The following LINGO2 variants were observed in gnomAD, a reference collection of about 807,000 sequenced individuals.
The protein encoded by LINGO2 is leucine-rich repeat and immunoglobulin-like domain-containing nogo receptor-interacting protein 2.
In LINGO2, 14 loss-of-function variants were observed where a neutral mutation model predicts 30.6. That is an observed-to-expected ratio of 0.46 (90% CI 0.30 to 0.72). The LOEUF (loss-of-function observed/expected upper bound fraction) is 0.72, where lower values mean the gene tolerates loss of function less well. LINGO2 is among the 30% of genes least tolerant of loss of function. The probability of loss-of-function intolerance (pLI) is 0.07; values close to 1 mark genes in which losing one functional copy is unlikely to be tolerated. For missense variants in LINGO2, 729 were observed against 751.7 expected, an observed-to-expected ratio of 0.97 and a Z score of 0.35; for synonymous variants, 317 against 288.5, an observed-to-expected ratio of 1.10 and a Z score of -1.00.
At chr9:29,178,679 T>G in the LINGO2 span, among the ~76,000 whole-genome samples, 4 of 152,288 alleles carry the variant, frequency 2.6e-5, no homozygotes, top group Admixed American at 2.6e-4. Context: ...AAACCTCCTC[T>G]GATGACAAGT....
chr9:29,144,484 T>C, the LINGO2 span, among the ~76,000 whole-genome samples: 2 of 152,028 alleles, frequency 1.3e-5, no homozygotes, highest in African/African-American at 4.8e-5. Flanking sequence ...GGAAGTATAT[T>C]AGAGATGTGT....
intron 4 of LINGO2, among the ~76,000 whole-genome samples, chr9:28,047,455 ACT>A (rs746128347): frequency 1.4e-5 from 2 of 143,016 alleles, no homozygotes; most frequent in Non-Finnish European, 3.0e-5. Context: ...TAGCACAGTA[ACT>A]TTTTATTCAA....
chr9:28,190,079 A>C (rs1291808530), intron 4 of LINGO2, among the ~76,000 whole-genome samples: 1 of 152,164 alleles, frequency 6.6e-6, no homozygotes, highest in Non-Finnish European at 1.5e-5. Context: ...ACGTTTCACA[A>C]ACATGGATAT....
the LINGO2 span, among the ~76,000 whole-genome samples, chr9:28,695,277 A>T: frequency 6.6e-6 from 1 of 152,092 alleles, no homozygotes; most frequent in East Asian, 1.9e-4. Context: ...GTTTAACTTC[A>T]TTAAATGTCA....
At chr9:29,096,959 C>G in the LINGO2 span, among the ~76,000 whole-genome samples, 1 of 138,864 alleles carries the variant, frequency 7.2e-6, no homozygotes, top group Non-Finnish European at 1.6e-5. Flanking sequence ...AAAATGAATA[C>G]TACAGATAGG....
At chr9:28,665,770 C>A (rs1828776013) in intron 1 of LINGO2, among the ~76,000 whole-genome samples, 1 of 152,030 alleles carries the variant, frequency 6.6e-6, no homozygotes. Flanking sequence ...TGATTCATAT[C>A]ATTCAGGCAA....
the LINGO2 span, among the ~76,000 whole-genome samples, chr9:28,944,139 A>G: frequency 5.9e-5 from 9 of 152,160 alleles, no homozygotes; most frequent in African/African-American, 2.2e-4. Flanking sequence ...ACATCTAGAC[A>G]GTTATCTTTG....
intron 3 of LINGO2, among the ~76,000 whole-genome samples, chr9:28,365,239 A>T (rs1361682299): frequency 1.3e-5 from 2 of 152,114 alleles, no homozygotes; most frequent in African/African-American, 2.4e-5. Context: ...GGGAACGTGA[A>T]GAATTTAGTG....
intron 1 of LINGO2, among the ~76,000 whole-genome samples, chr9:28,476,387 T>C (rs1170759385): frequency 1.3e-5 from 2 of 152,298 alleles, no homozygotes; most frequent in African/African-American, 4.8e-5. Context: ...GCCATTCTCC[T>C]GCCTCAGCCT....
At chr9:28,054,521 TTA>T (rs1824827839) in intron 4 of LINGO2, among the ~76,000 whole-genome samples, 1 of 152,124 alleles carries the variant, frequency 6.6e-6, no homozygotes. Flanking sequence ...GAAATTAGTG[TTA>T]TGTTTACTGC....
chr9:29,109,051 T>C, the LINGO2 span, among the ~76,000 whole-genome samples: 2 of 152,228 alleles, frequency 1.3e-5, no homozygotes, highest in Non-Finnish European at 2.9e-5. Flanking sequence ...GATATAAAAT[T>C]GAATGCAAAT....
rs187924643 is a variant in LINGO2, at chr9:28,037,762, A to T, written c.-86-25357T>A. Among the ~76,000 whole-genome samples the T allele has an allele frequency of 4.6e-5, 7 of 152,376 alleles. No individual in the cohort carries two copies. In the East Asian group the frequency reaches 1.3e-3, roughly 29 times the overall value. On this transcript the variant is annotated intron_variant, in intron 4 of 5. Transcript: ENST00000379992. ...GAACCCAGGAACTCAAATATGGATC[A>T]CAAATGTGGTTGCCTTTAGTTCTAG...
the LINGO2 span, among the ~76,000 whole-genome samples, chr9:29,118,729 G>A: frequency 6.6e-6 from 1 of 152,136 alleles, no homozygotes; most frequent in South Asian, 2.1e-4. Flanking sequence ...GGACCTGGGA[G>A]GAGTCATGCT....
the LINGO2 span, among the ~76,000 whole-genome samples, chr9:28,925,048 G>A: frequency 6.6e-6 from 1 of 152,092 alleles, no homozygotes; most frequent in African/African-American, 2.4e-5. Context: ...AAAAAGGTAA[G>A]CATGTGAATC....
At chr9:28,535,702 GCACACACACACACACGTGTGGACGCACA>G (rs1240334923) in intron 1 of LINGO2, among the ~76,000 whole-genome samples, 1 of 147,792 alleles carries the variant, frequency 6.8e-6, no homozygotes, top group African/African-American at 2.5e-5. Flanking sequence ...GTACGTGCAT[GCACACACACACACACGTGTGGACGCACA>G]CACACACACA....
the LINGO2 span, among the ~76,000 whole-genome samples, chr9:28,719,006 C>G: frequency 6.6e-6 from 1 of 152,016 alleles, no homozygotes; most frequent in Non-Finnish European, 1.5e-5. Flanking sequence ...CTCTGCAACT[C>G]CCACCTTTAG....
chr9:28,674,739 C>T (rs1829151988), upstream of LINGO2, among the ~76,000 whole-genome samples: 1 of 152,084 alleles, frequency 6.6e-6, no homozygotes, highest in African/African-American at 2.4e-5. Flanking sequence ...AGCATTAACA[C>T]ACGGGACAAC....
the LINGO2 span, among the ~76,000 whole-genome samples, chr9:28,847,789 C>CACATATATGTATAGTATATATGTATATAT: frequency 2.8e-5 from 1 of 35,680 alleles, no homozygotes; most frequent in Non-Finnish European, 6.3e-5. Flanking sequence ...AGTATATATA[C>CACATATATGTATAGTATATATGTATATAT]ACATATATGT....
At chr9:28,847,963 AT>A in the LINGO2 span, among the ~76,000 whole-genome samples, 1 of 41,606 alleles carries the variant, frequency 2.4e-5, no homozygotes, top group Admixed American at 4.4e-4. Context: ...ATATACACAC[AT>A]ATATATGTAT....
Sources: allele counts gnomAD v4.1 joint callset (sites outside exome capture counted in the v4.1 genomes callset), GRCh38; gene constraint gnomAD v4.1.1; transcripts MANE v1.5; gene names NCBI Gene and HGNC (gene_info 2026-07-23, HGNC 2026-07-21).